ITGBL1: variants seen among roughly 807,000 people sequenced by gnomAD.
ITGBL1 encodes integrin beta-like protein 1.
A neutral mutation model predicts 68.5 loss-of-function variants in ITGBL1; 51 were observed. The ratio of observed to expected loss-of-function variants is 0.74; its 90% CI spans 0.59 to 0.94. ITGBL1 has a LOEUF of 0.94. ITGBL1 is among the 40% of genes least tolerant of loss of function. The pLI is 0.00. For synonymous variants in ITGBL1, 209 were observed against 227.3 expected (o/e 0.92, Z 0.72); for missense variants, 649 against 647.4 (o/e 1.00, Z -0.03).
Position 101,629,574 on chromosome 13 carries a change from A to G in ITGBL1, c.1015+31275A>G, listed in dbSNP as rs185880045. Among the ~76,000 whole-genome samples, 72 of 152,168 alleles carry G rather than the reference A, an allele frequency of 4.7e-4. 1 individual carries two copies. In the East Asian group the frequency reaches 0.013, roughly 28 times the overall value. On this transcript the variant is annotated intron_variant, in intron 7 of 10. Coordinates refer to ENST00000376180, the MANE Select transcript of ITGBL1 (RefSeq NM_004791.3). The stretch of plus-strand genomic sequence containing the variant: ...ATCTATTTAAAATGAAAGATATAGC[A>G]TTTTTTCAATTTTCCTCCCATCTTT...
intron 7 of ITGBL1, among the ~76,000 whole-genome samples, chr13:101,644,004 G>A (rs189866248): frequency 2.2e-4 from 34 of 152,094 alleles, no homozygotes; most frequent in Non-Finnish European, 3.2e-4. Flanking sequence ...CAGATTTCTG[G>A]AAACTCTTTG....
At chr13:101,627,840 C>A (rs1311240000) in intron 7 of ITGBL1, among the ~76,000 whole-genome samples, 1 of 152,152 alleles carries the variant, frequency 6.6e-6, no homozygotes, top group East Asian at 1.9e-4. Flanking sequence ...GTTTATTTAA[C>A]CATTCACCTA....
intron 2 of ITGBL1, among the ~76,000 whole-genome samples, chr13:101,524,743 GA>G (rs986379274): frequency 6.7e-6 from 1 of 150,096 alleles, no homozygotes; most frequent in African/African-American, 2.5e-5. Flanking sequence ...TGAAAAAAAT[GA>G]ATACACATTT....
intron 3 of ITGBL1, 49 bp from the exon 4 acceptor site, chr13:101,575,375 T>G (rs370635191): frequency 2.0e-5 from 31 of 1,551,244 alleles, no homozygotes; most frequent in Non-Finnish European, 2.7e-5. Flanking sequence ...TCATTAATTA[T>G]AATTTTATGT....
intron 2 of ITGBL1, among the ~76,000 whole-genome samples, chr13:101,479,973 CGAAAA>C (rs1327612577): frequency 4.6e-5 from 7 of 151,826 alleles, no homozygotes; most frequent in African/African-American, 7.3e-5. Flanking sequence ...GGATACATAC[CGAAAA>C]GAAAAGAAAT....
At chr13:101,455,473 C>A (rs1029094106) in intron 2 of ITGBL1, among the ~76,000 whole-genome samples, 13 of 151,882 alleles carry the variant, frequency 8.6e-5, no homozygotes, top group Non-Finnish European at 1.9e-4. Flanking sequence ...TCAAGACCAG[C>A]CTCGCCAACT....
intron 9 of ITGBL1, among the ~76,000 whole-genome samples, chr13:101,708,058 CACACACACACAT>C (rs1281864030): frequency 2.7e-5 from 4 of 148,270 alleles, no homozygotes; most frequent in African/African-American, 7.7e-5. Flanking sequence ...CACACACACA[CACACACACACAT>C]ACACACAAAT....
chr13:101,531,989 C>T (rs1395681075), intron 2 of ITGBL1, among the ~76,000 whole-genome samples: 3 of 152,014 alleles, frequency 2.0e-5, no homozygotes, highest in Non-Finnish European at 4.4e-5. Flanking sequence ...CCACCTCGGC[C>T]TCCCAAAGTG....
intron 7 of ITGBL1, among the ~76,000 whole-genome samples, chr13:101,651,335 C>T (rs532296878): frequency 6.6e-6 from 1 of 152,206 alleles, no homozygotes; most frequent in South Asian, 2.1e-4. Flanking sequence ...TTAATAAAGG[C>T]TATTCTGACT....
chr13:101,543,725 A>G (rs1030149064), intron 2 of ITGBL1, among the ~76,000 whole-genome samples: 13 of 152,320 alleles, frequency 8.5e-5, no homozygotes, highest in Admixed American at 2.0e-4. Context: ...CTTTTCACAT[A>G]GTCCCATATT....
chr13:101,622,192 T>C (rs1217561819), intron 7 of ITGBL1, among the ~76,000 whole-genome samples: 1 of 152,182 alleles, frequency 6.6e-6, no homozygotes, highest in Non-Finnish European at 1.5e-5. Context: ...TGAATAATAG[T>C]AGTTAACATT....
At chr13:101,510,046 C>T (rs542480060) in intron 2 of ITGBL1, among the ~76,000 whole-genome samples, 45 of 152,024 alleles carry the variant, frequency 3.0e-4, no homozygotes, top group Non-Finnish European at 5.9e-4. Flanking sequence ...CTTTTACTTT[C>T]AGCTTTTATT....
intron 7 of ITGBL1, among the ~76,000 whole-genome samples, chr13:101,670,398 G>A (rs998459487): frequency 3.3e-5 from 5 of 152,204 alleles, no homozygotes; most frequent in Non-Finnish European, 7.4e-5. Flanking sequence ...TTTTGATGAT[G>A]GGCCTAAGAA....
intron 7 of ITGBL1, among the ~76,000 whole-genome samples, chr13:101,629,929 T>C (rs373859460): frequency 1.3e-5 from 2 of 152,222 alleles, no homozygotes; most frequent in African/African-American, 4.8e-5. Flanking sequence ...TTCAAGCAAT[T>C]CTCCTGCCTC....
At chr13:101,693,292 C>T (rs542597267) in intron 8 of ITGBL1, among the ~76,000 whole-genome samples, 40 of 152,270 alleles carry the variant, frequency 2.6e-4, no homozygotes, top group African/African-American at 8.9e-4. Flanking sequence ...ATTATTCTTG[C>T]ATTGCATTCT....
chr13:101,614,561 C>T (rs1184681389), intron 7 of ITGBL1, among the ~76,000 whole-genome samples: 4 of 152,140 alleles, frequency 2.6e-5, no homozygotes, highest in African/African-American at 9.7e-5. Flanking sequence ...GAATCCATAT[C>T]AGCTCCCTAC....
chr13:101,552,791 G>A (rs1009918191), intron 2 of ITGBL1, among the ~76,000 whole-genome samples: 7 of 152,182 alleles, frequency 4.6e-5, no homozygotes, highest in African/African-American at 1.4e-4. Flanking sequence ...TTTCAGTTGG[G>A]TGAGGAGAAG....
chr13:101,549,866 TAAC>T (rs1259635868), intron 2 of ITGBL1, among the ~76,000 whole-genome samples: 1 of 152,116 alleles, frequency 6.6e-6, no homozygotes, highest in Non-Finnish European at 1.5e-5. Flanking sequence ...CTATATCTAT[TAAC>T]AATGTATTGA....
intron 7 of ITGBL1, among the ~76,000 whole-genome samples, chr13:101,667,604 A>G (rs1207795757): frequency 4.6e-5 from 7 of 152,164 alleles, no homozygotes; most frequent in Non-Finnish European, 1.0e-4. Flanking sequence ...TGAAAATCTT[A>G]AGTTTAGCCA....
Sources: allele counts gnomAD v4.1 joint callset (sites outside exome capture counted in the v4.1 genomes callset), GRCh38; gene constraint gnomAD v4.1.1; transcripts MANE v1.5; gene names NCBI Gene and HGNC (gene_info 2026-07-23, HGNC 2026-07-21).